HOOK3: variants seen among roughly 807,000 people sequenced by gnomAD.
The protein encoded by HOOK3 is protein Hook homolog 3.
In HOOK3, 24 loss-of-function variants were observed where a neutral mutation model predicts 116.3. That is an observed-to-expected ratio of 0.21 (90% confidence interval 0.15 to 0.29). The LOEUF (loss-of-function observed/expected upper bound fraction) is 0.29, where lower values mean the gene tolerates loss of function less well. Ranked by LOEUF, HOOK3 falls within the 10% of genes least tolerant of loss-of-function variation. The pLI is 1.00. For synonymous variants in HOOK3, 275 were observed against 283.0 expected, an observed-to-expected ratio of 0.97 and a Z score of 0.28; for missense variants, 632 against 830.2, an observed-to-expected ratio of 0.76 and a Z score of 2.93.
intron 1 of HOOK3, among the ~76,000 whole-genome samples, chr8:42,897,451 G>A (rs983827038): frequency 1.8e-4 from 28 of 152,148 alleles, no homozygotes; most frequent in African/African-American, 4.3e-4. Flanking sequence ...GCTCGCAGCT[G>A]GGGCTGCGCT....
intron 2 of HOOK3, among the ~76,000 whole-genome samples, chr8:42,914,285 G>A (rs73635347): frequency 0.018 from 2,742 of 152,144 alleles, 85 homozygotes; most frequent in African/African-American, 0.064. Flanking sequence ...AGTGATTTAA[G>A]TATGCACCTA....
At chr8:42,933,733 C>T (rs967236668) in intron 4 of HOOK3, among the ~76,000 whole-genome samples, 1 of 152,194 alleles carries the variant, frequency 6.6e-6, no homozygotes, top group East Asian at 1.9e-4. Context: ...TCTCTTTACA[C>T]TGTGGTTTAG....
chr8:43,011,203 C>A (rs1415457878), intron 19 of HOOK3, among the ~76,000 whole-genome samples: 3 of 152,048 alleles, frequency 2.0e-5, no homozygotes, highest in African/African-American at 7.2e-5. Flanking sequence ...CTGTGTTAGC[C>A]AGGATGGGCT....
At chr8:43,005,775 C>T (rs1228264102) in intron 17 of HOOK3, among the ~76,000 whole-genome samples, 1 of 151,884 alleles carries the variant, frequency 6.6e-6, no homozygotes, top group African/African-American at 2.4e-5. Flanking sequence ...CGGCTCACTT[C>T]AACCTCTGCC....
intron 9 of HOOK3, among the ~76,000 whole-genome samples, chr8:42,965,604 C>T (rs945785389): frequency 6.6e-6 from 1 of 152,176 alleles, no homozygotes; most frequent in African/African-American, 2.4e-5. Flanking sequence ...AAAAGTGCGT[C>T]ATCACTTGTT....
At chr8:42,951,008 G>A (rs1048556584) in intron 6 of HOOK3, among the ~76,000 whole-genome samples, 1 of 150,850 alleles carries the variant, frequency 6.6e-6, no homozygotes, top group African/African-American at 2.4e-5. Flanking sequence ...TTTTTAAAGT[G>A]CCCTTAATGA....
chr8:42,927,244 G>GGTTTTTTTTTTGTTTTTTTTTTTTTTTT (rs202096893), intron 3 of HOOK3, among the ~76,000 whole-genome samples: 4 of 146,000 alleles, frequency 2.7e-5, no homozygotes, highest in African/African-American at 1.0e-4. Context: ...TAATGGCACT[G>GGTTTTTTTTTTGTTTTTTTTTTTTTTTT]GTTTTTTTTT....
At chr8:42,949,314 TG>T (rs1445706739) in intron 5 of HOOK3, 1 of 152,222 alleles carries the variant, frequency 6.6e-6, no homozygotes, top group African/African-American at 2.4e-5. Flanking sequence ...TTTTGTTTTT[TG>T]GCAGTGGTGA....
intron 6 of HOOK3, among the ~76,000 whole-genome samples, chr8:42,955,538 CA>C (rs1424170038): frequency 2.0e-5 from 3 of 152,058 alleles, no homozygotes; most frequent in Non-Finnish European, 1.5e-5. Flanking sequence ...ATTGATTAAA[CA>C]AATGAACCTA....
chr8:42,982,728 G>A, intron 14 of HOOK3, 32 bp downstream of exon 14: 8 of 1,382,010 alleles, frequency 5.8e-6, no homozygotes, highest in Non-Finnish European at 7.2e-6. Flanking sequence ...CACTTACACT[G>A]CACAGTATTC....
chr8:42,985,532 A>G (rs1417579247), intron 14 of HOOK3, among the ~76,000 whole-genome samples: 1 of 152,170 alleles, frequency 6.6e-6, no homozygotes, highest in African/African-American at 2.4e-5. Context: ...AGCAGTAGTC[A>G]TTTTGTGCTA....
At chr8:42,933,941 G>GT (rs1305396079) in intron 4 of HOOK3, among the ~76,000 whole-genome samples, 2 of 152,030 alleles carry the variant, frequency 1.3e-5, no homozygotes, top group Non-Finnish European at 2.9e-5. Flanking sequence ...ATGAGAAGGA[G>GT]TTTTTTTGTT....
intron 6 of HOOK3, among the ~76,000 whole-genome samples, chr8:42,956,266 TATC>T (rs1476819480): frequency 1.6e-5 from 2 of 123,720 alleles, no homozygotes; most frequent in Middle Eastern, 3.9e-3. Flanking sequence ...GTGTGTGTGT[TATC>T]ATTAAACATT....
rs987086458 is a variant in HOOK3, at chr8:43,029,796, C to G, written c.*11298C>G. The G allele has an allele frequency of 1.1e-4, 24 of 209,004 alleles. No individual in the cohort carries two copies. Among genetic ancestry groups the G allele is most frequent in the Middle Eastern group, 3.1e-3 (2 of 650 alleles). 12.9% of individuals were successfully genotyped at this position (209,004 alleles called of 1,614,324 possible). ...ACTTTTTAGATGAGCTGGATGAAAC[C>G]TTAGTACATTGGAGCTGGAGTTGTA... On this transcript the variant is annotated 3_prime_UTR_variant, in exon 22 of 22. Coordinates refer to ENST00000307602, the MANE Select transcript of HOOK3 (RefSeq NM_032410.4).
intron 2 of HOOK3, among the ~76,000 whole-genome samples, chr8:42,920,393 G>C (rs1419625940): frequency 1.3e-5 from 2 of 152,182 alleles, no homozygotes; most frequent in Non-Finnish European, 2.9e-5. Flanking sequence ...AGTTTACCAG[G>C]GAAAGTAATA....
chr8:42,974,519 G>A (rs1808784203), intron 13 of HOOK3, among the ~76,000 whole-genome samples: 3 of 152,132 alleles, frequency 2.0e-5, no homozygotes, highest in African/African-American at 4.8e-5. Context: ...GATTATAGGC[G>A]TGAGCCACCA....
At chr8:43,016,461 A>G (rs1298492292) in intron 21 of HOOK3, among the ~76,000 whole-genome samples, 1 of 152,192 alleles carries the variant, frequency 6.6e-6, no homozygotes, top group Non-Finnish European at 1.5e-5. Context: ...GTGAAGGAAT[A>G]ACTCCAAATA....
intron 21 of HOOK3, among the ~76,000 whole-genome samples, chr8:43,016,775 A>G (rs1809725280): frequency 6.6e-6 from 1 of 152,280 alleles, no homozygotes; most frequent in Non-Finnish European, 1.5e-5. Context: ...TCAAAACTTT[A>G]AATTCTCTGA....
intron 18 of HOOK3, among the ~76,000 whole-genome samples, chr8:43,009,334 A>T (rs1321794772): frequency 3.3e-5 from 5 of 151,678 alleles, no homozygotes; most frequent in Non-Finnish European, 4.4e-5. Context: ...TGAGCCCAGG[A>T]GGCAGAGGTT....
Sources: gnomAD v4.1 joint callset for allele counts (sites outside exome capture counted in the v4.1 genomes callset) on GRCh38, gnomAD v4.1.1 for gene constraint, MANE v1.5 for transcripts, NCBI Gene and HGNC (gene_info 2026-07-23, HGNC 2026-07-21) for gene names.